Variants in TTYH3 observed in about 807,000 individuals in gnomAD.
TTYH3 encodes the protein tweety family member 3.
TTYH3 carries 23 observed loss-of-function variants against 68.2 expected under a neutral mutation model. That is an observed-to-expected ratio of 0.34 (90% confidence interval 0.24 to 0.48). The LOEUF (loss-of-function observed/expected upper bound fraction) is 0.48, where lower values mean the gene tolerates loss of function less well. Among genes scored for constraint, TTYH3 ranks in the 20% least tolerant of loss-of-function variants. TTYH3 has a pLI of 0.99. For synonymous variants in TTYH3, 360 were observed against 332.8 expected, an observed-to-expected ratio of 1.08 and a Z score of -0.89; for missense variants, 768 against 727.7, an observed-to-expected ratio of 1.06 and a Z score of -0.64.
At chr7:2,633,386 A>T (rs1583551019) in intron 1 of TTYH3, among the ~76,000 whole-genome samples, 1 of 151,894 alleles carries the variant, frequency 6.6e-6, no homozygotes, top group Non-Finnish European at 1.5e-5. Flanking sequence ...GAAGTGGAGG[A>T]GCAGGGCACC....
chr7:2,642,930 G>C (rs1785886975), intron 1 of TTYH3, among the ~76,000 whole-genome samples: 1 of 151,096 alleles, frequency 6.6e-6, no homozygotes, highest in African/African-American at 2.4e-5. Flanking sequence ...GGCATTGGTG[G>C]CGGGTACCTG....
In TTYH3 at chr7:2,645,106, C is replaced by A. The variant is rs796072346; in HGVS notation, c.124-1747C>A. 2.8e-4 allele frequency among the ~76,000 whole-genome samples: 32 copies of A among 115,112 alleles called. No individual in the cohort carries two copies. Among genetic ancestry groups the A allele is most frequent in the African/African-American group, 1.1e-3 (32 of 28,626 alleles). 75.5% of individuals were successfully genotyped at this position (115,112 alleles called of 152,430 possible). ...GGTGGCCACCCCACAACACTGAGGGCCCCAGCTGCTGACACCCCCCAGGGC... is the reference window on the plus strand; with the variant it reads ...GGTGGCCACCCCACAACACTGAGGGACCCAGCTGCTGACACCCCCCAGGGC... On this transcript the variant is annotated intron_variant, in intron 1 of 13. Transcript: ENST00000258796. This position sits in a 1 kb window ranked among gnomAD's most constrained non-coding sequence, Gnocchi z 4.8.
At chr7:2,649,808 C>A in intron 6 of TTYH3, 105 bp from the exon 7 acceptor site, 1 of 1,456,250 alleles carries the variant, frequency 6.9e-7, no homozygotes, top group South Asian at 1.2e-5. Context: ...TCACAGTCCA[C>A]CCTCCTGAGT....
intron 1 of TTYH3, among the ~76,000 whole-genome samples, chr7:2,638,437 C>T (rs111407411): frequency 7.9e-5 from 12 of 152,186 alleles, no homozygotes; most frequent in African/African-American, 2.6e-4. Flanking sequence ...TGTGGGGAGA[C>T]GGGCAGGAGC....
chr7:2,644,551 C>A (rs1020366964), intron 1 of TTYH3, among the ~76,000 whole-genome samples: 26 of 152,310 alleles, frequency 1.7e-4, no homozygotes, highest in Admixed American at 1.5e-3. Flanking sequence ...GTTTCAGTGG[C>A]TCTGGTGCCA....
intron 8 of TTYH3, among the ~76,000 whole-genome samples, chr7:2,652,647 A>G (rs891725588): frequency 2.0e-5 from 3 of 152,158 alleles, no homozygotes; most frequent in Non-Finnish European, 2.9e-5. Flanking sequence ...TACCGGTAGC[A>G]TGTGACCCTT....
chr7:2,640,400 G>A (rs1030255475), intron 1 of TTYH3, among the ~76,000 whole-genome samples: 21 of 127,382 alleles, frequency 1.6e-4, no homozygotes, highest in Non-Finnish European at 2.6e-4. Context: ...GCCTGTGTGT[G>A]TGTGGGGGGG....
At chr7:2,641,872 C>T (rs899960068) in intron 1 of TTYH3, among the ~76,000 whole-genome samples, 1 of 152,240 alleles carries the variant, frequency 6.6e-6, no homozygotes, top group African/African-American at 2.4e-5. Flanking sequence ...GATGAAGCAG[C>T]TGCCCGGTTT....
intron 1 of TTYH3, among the ~76,000 whole-genome samples, chr7:2,635,296 C>T (rs1324317446): frequency 1.3e-5 from 2 of 152,220 alleles, no homozygotes; most frequent in African/African-American, 2.4e-5. Context: ...GCCTTCTCTT[C>T]AGCTAGAGCA....
intron 1 of TTYH3, 83 bp downstream of exon 1, chr7:2,632,361 C>A: frequency 7.4e-7 from 1 of 1,350,502 alleles, no homozygotes. Flanking sequence ...CCCCCATCCC[C>A]GAGGGCCTAA....
At chr7:2,637,654 G>A (rs1433744259) in intron 1 of TTYH3, among the ~76,000 whole-genome samples, 4 of 152,188 alleles carry the variant, frequency 2.6e-5, no homozygotes, top group African/African-American at 9.7e-5. Flanking sequence ...CAGGGGCCTG[G>A]GGTCAAGGAC....
chr7:2,656,598 G>C, intron 11 of TTYH3, 64 bp downstream of exon 11: 1 of 1,546,340 alleles, frequency 6.5e-7, no homozygotes, highest in Non-Finnish European at 8.7e-7. Flanking sequence ...GACACTTCAG[G>C]GGCATGCCTT....
intron 9 of TTYH3, among the ~76,000 whole-genome samples, chr7:2,654,414 A>G (rs150573436): frequency 1.1e-3 from 171 of 151,938 alleles, no homozygotes; most frequent in African/African-American, 3.8e-3. Context: ...TTCTCTCTGT[A>G]TGTATGTGTA....
In TTYH3 at chr7:2,652,995, G is replaced by T. The variant is rs922437879; in HGVS notation, c.1005G>T (p.Glu335Asp). Residue 335 changes from glutamate (E) to aspartate (D), a missense_variant, in exon 9 of 14, where the codon GAG becomes GAT. Glu to Asp is a conservative substitution (Grantham distance 45, BLOSUM62 2). Coordinates refer to ENST00000258796, the MANE Select transcript of TTYH3 (RefSeq NM_025250.3). ...VAELLRTVPW[E>D]QPATKDPLLR... ...AGCTTCTGAGGACCGTCCCCTGGGAGCAGCCGGCCACTAAGGTGAGGGGCT... is the reference window on the plus strand; with the variant it reads ...AGCTTCTGAGGACCGTCCCCTGGGATCAGCCGGCCACTAAGGTGAGGGGCT... The T allele has an allele frequency of 1.3e-6, 2 of 1,571,992 alleles. No individual in the cohort carries two copies. Among genetic ancestry groups the T allele is most frequent in the East Asian group, 2.3e-5 (1 of 43,508 alleles).
chr7:2,643,086 T>C (rs1294457075), intron 1 of TTYH3, among the ~76,000 whole-genome samples: 9 of 151,480 alleles, frequency 5.9e-5, no homozygotes, highest in Middle Eastern at 3.4e-3. Flanking sequence ...CTGGGCACGG[T>C]GGTTCACGCC....
At chr7:2,641,021 G>A (rs559153884) in intron 1 of TTYH3, among the ~76,000 whole-genome samples, 46 of 152,312 alleles carry the variant, frequency 3.0e-4, no homozygotes, top group African/African-American at 1.1e-3. Flanking sequence ...TGGGGACAAT[G>A]GGGCTTCCCT....
intron 1 of TTYH3, among the ~76,000 whole-genome samples, chr7:2,643,624 G>C (rs918493969): frequency 6.6e-6 from 1 of 152,228 alleles, no homozygotes; most frequent in Admixed American, 6.5e-5. Flanking sequence ...TCTGAGGGAC[G>C]GGCTTGCCTC....
Position 2,664,393 on chromosome 7 carries a change from C to T in TTYH3, c.*2654C>T, listed in dbSNP as rs1372298231. 1 of 152,554 alleles carries T rather than the reference C, an allele frequency of 6.6e-6. No individual in the cohort carries two copies. The highest frequency in any genetic ancestry group is 1.5e-5 in the Non-Finnish European group (1 of 68,076). The allele number at this position is 152,554 out of a possible 1,614,324, so 9.5% of individuals were successfully genotyped here. ...CCCAGACAAGGGGGCAGGCGGGGGA[C>T]CAGGGCCTCTCCTGTGGGATCTTTG... is the stretch of plus-strand genomic sequence containing the variant. On this transcript the variant is annotated 3_prime_UTR_variant, in exon 14 of 14. Coordinates refer to ENST00000258796, the MANE Select transcript of TTYH3 (RefSeq NM_025250.3).
intron 5 of TTYH3, among the ~76,000 whole-genome samples, chr7:2,649,236 G>T (rs1583567592): frequency 6.6e-6 from 1 of 152,240 alleles, no homozygotes; most frequent in East Asian, 1.9e-4. Flanking sequence ...TACGTGGGCG[G>T]CGGGATGCGG....
Sources: gnomAD v4.1 joint callset for allele counts (sites outside exome capture counted in the v4.1 genomes callset) on GRCh38, gnomAD v4.1.1 for gene constraint, Gnocchi (gnomAD v3.1) non-coding constraint, MANE v1.5 for transcripts, NCBI Gene and HGNC (gene_info 2026-07-23, HGNC 2026-07-21) for gene names.